The following PDE9A variants were observed in gnomAD, a reference collection of about 807,000 sequenced individuals.
PDE9A encodes the protein phosphodiesterase 9A, also known as high affinity cGMP-specific 3',5'-cyclic phosphodiesterase 9A.
Under a neutral mutation model 87.4 loss-of-function variants are expected in PDE9A, and 60 were observed. That is an observed-to-expected ratio of 0.69 (90% CI 0.56 to 0.85). PDE9A has a LOEUF of 0.85. Among genes scored for constraint, PDE9A ranks in the 40% least tolerant of loss-of-function variants. The pLI, the probability that PDE9A is intolerant of heterozygous loss-of-function variation, is 0.00. For missense variants in PDE9A, 665 were observed against 779.0 expected, an observed-to-expected ratio of 0.85 and a Z score of 1.74; for synonymous variants, 272 against 279.4, an observed-to-expected ratio of 0.97 and a Z score of 0.27.
chr21:42,716,490 T>C (rs2049929716), intron 4 of PDE9A, among the ~76,000 whole-genome samples: 1 of 151,796 alleles, frequency 6.6e-6, no homozygotes, highest in Non-Finnish European at 1.5e-5. Flanking sequence ...CATATCATGA[T>C]AAGCATCTTC....
chr21:42,721,362 G>A (rs1481796731), intron 4 of PDE9A, among the ~76,000 whole-genome samples: 4 of 152,208 alleles, frequency 2.6e-5, no homozygotes, highest in African/African-American at 9.6e-5. Flanking sequence ...TTGGCCACCA[G>A]GGTCTTCGGT....
At chr21:42,685,517 AGTGCAATG>A (rs2059411838) in intron 1 of PDE9A, among the ~76,000 whole-genome samples, 1 of 125,656 alleles carries the variant, frequency 8.0e-6, no homozygotes, top group African/African-American at 3.3e-5. Flanking sequence ...CCCAGGCTGG[AGTGCAATG>A]GTGCGATCTC....
At position 42,743,863 on chromosome 21, in the gene PDE9A, AG is replaced by A; in HGVS notation, c.653+6del. On this transcript the variant is annotated splice_donor_region_variant and intron_variant, in intron 8 of 19. Coordinates refer to ENST00000291539, the MANE Select transcript of PDE9A (RefSeq NM_002606.3). ...GAGCTGGCGGCCAGAAGCAGCAGGT[AG>A]GGTCTGCGCTGGGGCCACGGGCGGC... 1 of 1,562,016 alleles carries A rather than the reference AG, an allele frequency of 6.4e-7. No homozygotes were observed. The highest frequency in any genetic ancestry group is 1.9e-5 in the Admixed American group (1 of 53,986).
chr21:42,743,986 G>A (rs1045531850), intron 8 of PDE9A, 126 bp downstream of exon 8: 2 of 644,236 alleles, frequency 3.1e-6, no homozygotes. Context: ...GTTCAGGCTT[G>A]GGAGAGTGCA....
chr21:42,771,644 C>T (rs974016581), intron 18 of PDE9A, among the ~76,000 whole-genome samples: 3 of 152,236 alleles, frequency 2.0e-5, no homozygotes, highest in African/African-American at 7.2e-5. Flanking sequence ...CCTGGGCGCT[C>T]CTGAAGCCCA....
chr21:42,743,993 T>TGC (rs2053586272), intron 8 of PDE9A, 133 bp downstream of exon 8: 2 of 628,038 alleles, frequency 3.2e-6, no homozygotes, highest in Non-Finnish European at 5.8e-6. Context: ...CTTGGGAGAG[T>TGC]GCAGTCTGGA....
In PDE9A at chr21:42,659,891, A is replaced by G. The variant is rs2057356024; in HGVS notation, c.69+6008A>G. ...TAAATCTAGCGCAGAGGAAGGGCAC[A>G]CTGTCCCCGTCAGACGCCTCAGATG... is the stretch of plus-strand genomic sequence containing the variant. On this transcript the variant is annotated intron_variant, in intron 1 of 19. Transcript: ENST00000291539. This position sits in a 1 kb window ranked among gnomAD's most constrained non-coding sequence, Gnocchi z 4.1. Among the ~76,000 whole-genome samples the G allele has an allele frequency of 1.3e-5, 2 of 152,220 alleles. No homozygotes were observed.
At chr21:42,691,161 A>C (rs576411665) in intron 3 of PDE9A, among the ~76,000 whole-genome samples, 2 of 149,954 alleles carry the variant, frequency 1.3e-5, no homozygotes, top group Non-Finnish European at 3.0e-5. Flanking sequence ...CCCCTTCACC[A>C]TCACCATCCA....
In PDE9A at chr21:42,672,005, G is replaced by A. The variant is rs566671916; in HGVS notation, c.70-14187G>A. Reference sequence around the variant, plus strand: ...AGACAAAGCCTAGCAAAATCTTATGGAAGCTGATATAAAAGCTTAATAGCT... The same window carrying A: ...AGACAAAGCCTAGCAAAATCTTATGAAAGCTGATATAAAAGCTTAATAGCT... On this transcript the variant is annotated intron_variant, in intron 1 of 19. Transcript: ENST00000291539. Among the ~76,000 whole-genome samples the A allele has an allele frequency of 5.9e-5, 9 of 152,260 alleles. No individual in the cohort carries two copies. The South Asian group carries it at 1.9e-3, about 32-fold the overall frequency.
chr21:42,768,040 G>T lies in PDE9A; in HGVS notation c.1357-148G>T, dbSNP rs892579177. ...TCATTCTCCATTGAGAAGGGAGCCT[G>T]TCCTCCCTGAAGGCAGCCAAGCTCA... On this transcript the variant is annotated intron_variant, in intron 15 of 19. Coordinates refer to ENST00000291539, the MANE Select transcript of PDE9A (RefSeq NM_002606.3). 7.8e-5 allele frequency: 49 copies of T among 624,940 alleles called. No individual in the cohort carries two copies. The African/African-American group carries it at 8.5e-4, about 11-fold the overall frequency. The allele number at this position is 624,940 out of a possible 1,614,324, so 38.7% of individuals were successfully genotyped here. A position where few individuals can be genotyped will look rare whatever the true frequency, so the allele number is the denominator to read the frequency against.
At chr21:42,710,613 A>C (rs2049245265) in intron 4 of PDE9A, among the ~76,000 whole-genome samples, 1 of 152,162 alleles carries the variant, frequency 6.6e-6, no homozygotes, top group East Asian at 1.9e-4. Context: ...TTGCATTTCC[A>C]AGTAACTTAA....
At position 42,704,128 on chromosome 21, in the gene PDE9A, G is replaced by T. The variant is rs556108913; in HGVS notation, c.262+5117G>T. On this transcript the variant is annotated intron_variant, in intron 4 of 19. Transcript: ENST00000291539. This position sits in a 1 kb window ranked among gnomAD's most constrained non-coding sequence, Gnocchi z 5.3. ...GAGCTGCACACACTTCTGCTGGGCT[G>T]GGCAAGACTTCCCTCTTCAGAGAGG... is the stretch of plus-strand genomic sequence containing the variant. Among the ~76,000 whole-genome samples the T allele has an allele frequency of 6.6e-6, 1 of 152,322 alleles. No homozygotes were observed. Among genetic ancestry groups the T allele is most frequent in the East Asian group, 1.9e-4 (1 of 5,172 alleles).
chr21:42,654,206 G>T (rs1311898736), intron 1 of PDE9A, among the ~76,000 whole-genome samples: 2 of 152,170 alleles, frequency 1.3e-5, no homozygotes, highest in African/African-American at 2.4e-5. Flanking sequence ...GGATCGGCCC[G>T]CCGGGCAGCC....
At chr21:42,762,377 C>G in intron 14 of PDE9A, 138 bp downstream of exon 14, 1 of 827,136 alleles carries the variant, frequency 1.2e-6, no homozygotes, top group African/African-American at 1.7e-5. Flanking sequence ...CCCCTCCCTC[C>G]TTCCTCACCT....
rs1265563992 is a variant in PDE9A at position 42,659,395 on chromosome 21, G to C, written c.69+5512G>C. Among the ~76,000 whole-genome samples the C allele has an allele frequency of 1.3e-5, 2 of 152,210 alleles. No individual in the cohort carries two copies. Among genetic ancestry groups the C allele is most frequent in the African/African-American group, 2.4e-5 (1 of 41,458 alleles). ...AGTGGTGGGGACATGGTGCTGAGACGGACAGCCTCGCCTCATCCGCCTTTC... is the reference window on the plus strand; with the variant it reads ...AGTGGTGGGGACATGGTGCTGAGACCGACAGCCTCGCCTCATCCGCCTTTC... On this transcript the variant is annotated intron_variant, in intron 1 of 19. Transcript: ENST00000291539. This position sits in a 1 kb window ranked among gnomAD's most constrained non-coding sequence, Gnocchi z 4.1.
rs902838623 is a variant in PDE9A at position 42,723,937 on chromosome 21, G to A, written c.263-7833G>A. Among the ~76,000 whole-genome samples, 4 of 152,150 alleles carry A rather than the reference G, an allele frequency of 2.6e-5. No homozygotes were observed. Among genetic ancestry groups the A allele is most frequent in the African/African-American group, 7.2e-5 (3 of 41,424 alleles). On this transcript the variant is annotated intron_variant, in intron 4 of 19. Transcript: ENST00000291539. The surrounding 1 kb of genome is among the most constrained non-coding windows in gnomAD (Gnocchi z 4.3). Reference sequence around the variant, plus strand: ...CTTTAATTTTTAAAATTCATTATACGTCCTGCAGCATTTAGGAAAAAGAGG... The same window carrying A: ...CTTTAATTTTTAAAATTCATTATACATCCTGCAGCATTTAGGAAAAAGAGG...
intron 1 of PDE9A, among the ~76,000 whole-genome samples, chr21:42,670,405 CACAT>C (rs923301005): frequency 4.8e-5 from 5 of 103,690 alleles, no homozygotes; most frequent in Non-Finnish European, 7.2e-5. Flanking sequence ...CAAACATTCA[CACAT>C]ACATTCACAC....
Position 42,759,127 on chromosome 21 carries a change from T to C in PDE9A, c.897+42T>C, listed in dbSNP as rs1037319839. ...CCTTCGGTTCTTCCTGGGCACGTGG[T>C]TTCATCCAGTTCCACAGGAATGGAG... On this transcript the variant is annotated intron_variant, in intron 11 of 19. Coordinates refer to ENST00000291539, the MANE Select transcript of PDE9A (RefSeq NM_002606.3). The surrounding 1 kb of genome is among the most constrained non-coding windows in gnomAD (Gnocchi z 7.2). 7.1e-7 allele frequency: 1 copy of C among 1,417,248 alleles called. No individual in the cohort carries two copies. The highest frequency in any genetic ancestry group is 1.4e-5 in the African/African-American group (1 of 71,134). 87.8% of individuals were successfully genotyped at this position (1,417,248 alleles called of 1,614,324 possible).
rs922829268 is a variant in PDE9A at position 42,660,471 on chromosome 21, G to T, written c.69+6588G>T. ...GTCCAAATATTTTTGAGAAGAAAAT[G>T]TTCTAAGAAAGTGCACAGGGTGGTG... On this transcript the variant is annotated intron_variant, in intron 1 of 19. Coordinates refer to ENST00000291539, the MANE Select transcript of PDE9A (RefSeq NM_002606.3). This position sits in a 1 kb window ranked among gnomAD's most constrained non-coding sequence, Gnocchi z 4.7. Among the ~76,000 whole-genome samples, 1 of 152,068 alleles carries T rather than the reference G, an allele frequency of 6.6e-6. No homozygotes were observed. The highest frequency in any genetic ancestry group is 2.4e-5 in the African/African-American group (1 of 41,388).
Sources: allele counts gnomAD v4.1 joint callset (sites outside exome capture counted in the v4.1 genomes callset), GRCh38; gene constraint gnomAD v4.1.1; non-coding constraint Gnocchi (gnomAD v3.1); transcripts MANE v1.5; gene names NCBI Gene and HGNC (gene_info 2026-07-23, HGNC 2026-07-21).